The following NEURL4 variants were observed in gnomAD, a reference collection of about 807,000 sequenced individuals.
NEURL4 encodes the protein neuralized E3 ubiquitin protein ligase 4.
NEURL4 carries 45 observed loss-of-function variants against 148.0 expected under a neutral mutation model. That is an observed-to-expected ratio of 0.30 (90% CI 0.24 to 0.39). The LOEUF is 0.39. Ranked by LOEUF, NEURL4 falls within the 10% of genes least tolerant of loss-of-function variation. NEURL4 has a pLI of 1.00. For missense variants in NEURL4, 1,776 were observed against 2,144.0 expected, an observed-to-expected ratio of 0.83 and a Z score of 3.39; for synonymous variants, 854 against 869.0, an observed-to-expected ratio of 0.98 and a Z score of 0.30.
chr17:7,323,909 C>T lies in NEURL4; in HGVS notation c.2166G>A (p.Leu722=). 6.2e-7 allele frequency: 1 copy of T among 1,613,830 alleles called. No individual in the cohort carries two copies. Among genetic ancestry groups the T allele is most frequent in the Non-Finnish European group, 8.5e-7 (1 of 1,180,032 alleles). Residue 722 remains leucine (L), a synonymous_variant, in exon 12 of 29, where the codon CTG becomes CTA. Transcript: ENST00000399464. ...AGGSDLRFHQ[L]HGSNAVITNG... The stretch of plus-strand genomic sequence containing the variant: ...TAGTGATGACTGCGTTACTGCCGTG[C>T]AGCTGATGGAAGCGCAGGTCAGAGC...
rs759760082 is a variant in NEURL4 at position 7,323,499 on chromosome 17, G to A, written c.2403C>T (p.Asp801=). 6.2e-7 allele frequency: 1 copy of A among 1,614,180 alleles called. No homozygotes were observed. The highest frequency in any genetic ancestry group is 2.2e-5 in the East Asian group (1 of 44,894). ...FPNTMTDIDY[D]TWMLSGTAIM... ...GGAAGCCCAACCTCAGCATCCATGT[G>A]TCATAGTCAATGTCTGTCATGGTGT... Residue 801 remains aspartate, a synonymous_variant, in exon 14 of 29, where the codon GAC becomes GAT. Transcript: ENST00000399464.
At chr17:7,325,820 T>G in intron 6 of NEURL4, 107 bp from the exon 7 acceptor site, 1 of 896,550 alleles carries the variant, frequency 1.1e-6, no homozygotes, top group South Asian at 1.3e-5. Flanking sequence ...CAGACCACCC[T>G]GGAGGACAGG....
chr17:7,319,709 C>A (rs4796301), intron 21 of NEURL4, among the ~76,000 whole-genome samples: 10,255 of 112,106 alleles, frequency 0.091, 680 homozygotes, highest in East Asian at 0.43. Flanking sequence ...TCAAAAAAAA[C>A]AAAAAAACAA....
Position 7,319,058 on chromosome 17 carries a change from C to T in NEURL4, c.3676G>A (p.Gly1226Ser), listed in dbSNP as rs749531958. The change falls in exon 22 of 29, where the codon GGT becomes AGT. Residue 1226 changes from glycine (G) to serine (S), a missense_variant. By Grantham distance (56) the Gly-to-Ser change is moderately conservative (BLOSUM62 0). Transcript: ENST00000399464. ...CTCTGGCTCCTACTCACCTTGAGAC[C>T]GTTGTGGAAGACCCCACGGCCCCGC... The part of the protein sequence containing the change: ...LLRGRGVFHN[G>S]LKICEKFGPN... The T allele has an allele frequency of 1.1e-5, 17 of 1,611,312 alleles. No individual in the cohort carries two copies. Among genetic ancestry groups the T allele is most frequent in the South Asian group, 5.5e-5 (5 of 90,842 alleles).
At chr17:7,320,584 G>A (rs993118523) in intron 21 of NEURL4, among the ~76,000 whole-genome samples, 175 bp downstream of exon 21, 1 of 152,192 alleles carries the variant, frequency 6.6e-6, no homozygotes, top group South Asian at 2.1e-4. Context: ...TCACCAGGTA[G>A]GGACTTCGTG....
Position 7,317,934 on chromosome 17 carries a change from T to C in NEURL4, c.4061-2A>G. The C allele has an allele frequency of 6.2e-7, 1 of 1,614,202 alleles. No individual in the cohort carries two copies. The highest frequency in any genetic ancestry group is 8.5e-7 in the Non-Finnish European group (1 of 1,180,030). On this transcript the variant is annotated splice_acceptor_variant, in intron 25 of 28. Coordinates refer to ENST00000399464, the MANE Select transcript of NEURL4 (RefSeq NM_032442.3). LOFTEE classifies it high-confidence loss of function. ...TTGGCGGAGGCATGAAATAATCTTCTGCGGGACAGTGAGTAGCAGGCTTGG... is the reference window on the plus strand; with the variant it reads ...TTGGCGGAGGCATGAAATAATCTTCCGCGGGACAGTGAGTAGCAGGCTTGG...
Position 7,325,330 on chromosome 17 carries a change from C to T in NEURL4, c.1510G>A (p.Glu504Lys), listed in dbSNP as rs1400434800. 1.2e-5 allele frequency: 20 copies of T among 1,613,274 alleles called. No individual in the cohort carries two copies. The highest frequency in any genetic ancestry group is 2.2e-5 in the South Asian group (2 of 91,066). The change falls in exon 8 of 29, where the codon GAG (glutamate) becomes AAG (lysine). Residue 504 changes from glutamate (E) to lysine (K), a missense_variant. Glu to Lys is a moderately conservative substitution (Grantham distance 56, BLOSUM62 1). Transcript: ENST00000399464. Reference sequence around the variant, plus strand: ...GGGGCAGCACGGCGGAGAGCACCCTCGGGGGACAGCGCCCGCAGGATGGCG... The same window carrying T: ...GGGGCAGCACGGCGGAGAGCACCCTTGGGGGACAGCGCCCGCAGGATGGCG... ...NNAILRALSP[E>K]GALRRAAPAA...
At chr17:7,319,288 T>C in intron 21 of NEURL4, 80 bp from the exon 22 acceptor site, 9 of 1,287,012 alleles carry the variant, frequency 7.0e-6, no homozygotes, top group Non-Finnish European at 9.6e-6. Context: ...GAGGGAATAC[T>C]GCACCTCCCA....
Position 7,316,259 on chromosome 17 carries a change from C to T in NEURL4, c.4553G>A (p.Gly1518Asp). ...QVAFQVCVRP[G>D]SYTPGPPSAA... ...GGAAGGGGGTCCCGGGGTGTAGGAG[C>T]CAGGGCGCACACACACCTGGAACGC... Residue 1518 changes from glycine to aspartate, a missense_variant, in exon 29 of 29, where the codon GGC becomes GAC. Transcript: ENST00000399464. 6.2e-7 allele frequency: 1 copy of T among 1,613,736 alleles called. No homozygotes were observed. The highest frequency in any genetic ancestry group is 8.5e-7 in the Non-Finnish European group (1 of 1,179,988).
At position 7,318,409 on chromosome 17, in the gene NEURL4, G is replaced by T. The variant is rs1377555693; in HGVS notation, c.3865-53C>A. On this transcript the variant is annotated intron_variant, in intron 23 of 28. Coordinates refer to ENST00000399464, the MANE Select transcript of NEURL4 (RefSeq NM_032442.3). The surrounding 1 kb of genome is among the most constrained non-coding windows in gnomAD (Gnocchi z 4.3). ...GCTTGGTCAGACCCCAGGGCCTGCTGATCCCTCCCTGGAACAGAGATTTCC... is the reference window on the plus strand; with the variant it reads ...GCTTGGTCAGACCCCAGGGCCTGCTTATCCCTCCCTGGAACAGAGATTTCC... 1 of 1,608,894 alleles carries T rather than the reference G, an allele frequency of 6.2e-7. No homozygotes were observed. Among genetic ancestry groups the T allele is most frequent in the East Asian group, 2.2e-5 (1 of 44,874 alleles).
intron 8 of NEURL4, 57 bp downstream of exon 8, chr17:7,325,152 C>CG: frequency 5.9e-5 from 2 of 33,830 alleles, no homozygotes; most frequent in South Asian, 3.2e-4. Flanking sequence ...CTTGCCCCGC[C>CG]CCCCCCCCCC....
In NEURL4 at chr17:7,323,633, C is replaced by G; in HGVS notation, c.2338+14G>C. 1.2e-6 allele frequency: 2 copies of G among 1,613,660 alleles called. No individual in the cohort carries two copies. Among genetic ancestry groups the G allele is most frequent in the Non-Finnish European group, 1.7e-6 (2 of 1,179,724 alleles). Reference sequence around the variant, plus strand: ...GACATCCAACAGCCCCCAACACACACAGACGGCCCTCACCAGCCTCAATGG... The same window carrying G: ...GACATCCAACAGCCCCCAACACACAGAGACGGCCCTCACCAGCCTCAATGG... On this transcript the variant is annotated intron_variant, in intron 13 of 28. Coordinates refer to ENST00000399464, the MANE Select transcript of NEURL4 (RefSeq NM_032442.3).
chr17:7,320,790 T>G lies in NEURL4; in HGVS notation c.3494A>C (p.Asn1165Thr), dbSNP rs368397327. The G allele has an allele frequency of 1.9e-6, 3 of 1,613,840 alleles. No homozygotes were observed. Among genetic ancestry groups the G allele is most frequent in the African/African-American group, 2.7e-5 (2 of 74,914 alleles). The change falls in exon 21 of 29, where the codon AAC becomes ACC. Residue 1165 changes from asparagine (N) to threonine (T), a missense_variant. Coordinates refer to ENST00000399464, the MANE Select transcript of NEURL4 (RefSeq NM_032442.3). ...ASYNQGIVVI[N>T]QPLVPQLLVQ... ...CAGCAGCTGGGGCACCAGAGGTTGG[T>G]TGATGACAACGATGCCCTGATTGTA...
rs769921929 is a variant in NEURL4, at chr17:7,329,192, CGCT to C, written c.118_120del (p.Ser40del). On this transcript the variant is annotated inframe_deletion, in exon 1 of 29. Transcript: ENST00000399464. ...CCAGTGCGCGGGTGCAGTTCCCCGC[CGCT>C]GCCCAGACCCCCGTTGGACCCCGGT... is the stretch of plus-strand genomic sequence containing the variant. 1.4e-5 allele frequency: 22 copies of C among 1,584,782 alleles called. No individual in the cohort carries two copies. The highest frequency in any genetic ancestry group is 1.8e-5 in the Non-Finnish European group (21 of 1,170,174).
intron 21 of NEURL4, 71 bp from the exon 22 acceptor site, chr17:7,319,279 A>G: frequency 7.2e-7 from 1 of 1,383,702 alleles, no homozygotes. Flanking sequence ...CCAGCCAGAG[A>G]GGGAATACTG....
intron 12 of NEURL4, 43 bp downstream of exon 12, chr17:7,323,771 C>A (rs1247605227): frequency 6.2e-7 from 1 of 1,613,932 alleles, no homozygotes; most frequent in Non-Finnish European, 8.5e-7. Context: ...ATGGCTGAGG[C>A]TGGGCAGGAG....
In NEURL4 at chr17:7,320,846, A is replaced by G. The variant is rs766614656; in HGVS notation, c.3438T>C (p.Asn1146=). 6.2e-7 allele frequency: 1 copy of G among 1,614,108 alleles called. No homozygotes were observed. Among genetic ancestry groups the G allele is most frequent in the Non-Finnish European group, 8.5e-7 (1 of 1,180,014 alleles). Residue 1146 remains asparagine, a synonymous_variant, in exon 21 of 29, where the codon AAT becomes AAC. Transcript: ENST00000399464. ...ENHGKNILLS[N]GNRTATRVAS... ...CCACCCGTGTGGCCGTACGGTTCCC[A>G]TTAGACAAAAGGATATTCTTCCCAT...
intron 1 of NEURL4, 35 bp downstream of exon 1, chr17:7,328,996 C>T (rs770264251): frequency 1.3e-6 from 2 of 1,513,394 alleles, no homozygotes; most frequent in Non-Finnish European, 1.8e-6. Flanking sequence ...TCCCACCACC[C>T]TCCACATCTC....
Position 7,327,744 on chromosome 17 carries a change from A to C in NEURL4, c.423T>G (p.Ser141=). The C allele has an allele frequency of 6.2e-7, 1 of 1,614,084 alleles. No individual in the cohort carries two copies. Among genetic ancestry groups the C allele is most frequent in the Non-Finnish European group, 8.5e-7 (1 of 1,180,024 alleles). The part of the protein sequence containing the change: ...SGCSVLRDGR[S]VLEEYGQDLD... ...GGTCCTGACCATACTCCTCCAACAC[A>C]GAGCGTCCATCTCTCAGCACAGAGC... Residue 141 remains serine (S), a synonymous_variant, in exon 2 of 29, where the codon TCT becomes TCG. Transcript: ENST00000399464. The surrounding 1 kb of genome is among the most constrained non-coding windows in gnomAD (Gnocchi z 6.6).
Sources: gnomAD v4.1 joint callset for allele counts (sites outside exome capture counted in the v4.1 genomes callset) on GRCh38, gnomAD v4.1.1 for gene constraint, Gnocchi (gnomAD v3.1) non-coding constraint, MANE v1.5 for transcripts, NCBI Gene and HGNC (gene_info 2026-07-23, HGNC 2026-07-21) for gene names.